The following ZNF274 variants were observed in gnomAD, a reference collection of about 807,000 sequenced individuals.
ZNF274 encodes the protein neurotrophin receptor-interacting factor homolog.
In ZNF274, 23 loss-of-function variants were observed where a neutral mutation model predicts 42.5. The observed-to-expected ratio is 0.54, with a 90% CI of 0.39 to 0.77. The LOEUF (loss-of-function observed/expected upper bound fraction) is 0.77. Ranked by LOEUF, ZNF274 falls within the 30% of genes least tolerant of loss-of-function variation. The pLI, the probability that ZNF274 is intolerant of heterozygous loss-of-function variation, is 0.00. For missense variants in ZNF274, 679 were observed against 806.5 expected (o/e 0.84, Z 1.91); for synonymous variants, 292 against 305.4 (o/e 0.96, Z 0.46).
Position 58,212,105 on chromosome 19 carries a change from G to T in ZNF274, c.980-56G>T. The T allele has an allele frequency of 6.5e-7, 1 of 1,532,434 alleles. No individual in the cohort carries two copies. The highest frequency in any genetic ancestry group is 1.3e-5 in the South Asian group (1 of 79,332). 94.9% of individuals were successfully genotyped at this position (1,532,434 alleles called of 1,614,324 possible). ...CTTAATTATGCATTTCATGCTCTCA[G>T]ACCCATCCCAGCACATCTCTCTATG... On this transcript the variant is annotated intron_variant, in intron 7 of 7. Transcript: ENST00000617501. This position sits in a 1 kb window ranked among gnomAD's most constrained non-coding sequence, Gnocchi z 4.6.
rs750555731 is a variant in ZNF274 at position 58,213,135 on chromosome 19, A to G, written c.1954A>G (p.Thr652Ala). ...NRTKRKKKQPTS is the reference protein window; with the variant it reads ...NRTKRKKKQPAS The stretch of plus-strand genomic sequence containing the variant: ...GACAAAGCGAAAGAAGAAACAGCCT[A>G]CCTCATAGCTCTCAAGCCAGTTGAA... Residue 652 changes from threonine to alanine, a missense_variant, in exon 8 of 8, where the codon ACC becomes GCC. Physicochemically the swap from Thr to Ala is moderately conservative, Grantham distance 58. This residue lies in a region of ZNF274 where 456 missense variants were observed against 590.1 expected (regional missense o/e 0.77). Transcript: ENST00000617501. 7 of 1,607,286 alleles carry G rather than the reference A, an allele frequency of 4.4e-6. No individual in the cohort carries two copies. Among genetic ancestry groups the G allele is most frequent in the Non-Finnish European group, 5.1e-6 (6 of 1,175,828 alleles).
chr19:58,190,870 G>C (rs1252906540), intron 4 of ZNF274, among the ~76,000 whole-genome samples: 1 of 152,114 alleles, frequency 6.6e-6, no homozygotes, highest in East Asian at 1.9e-4. Context: ...CCCCATCCTT[G>C]GTGATGACCT....
At position 58,184,009 on chromosome 19, in the gene ZNF274, G is replaced by A. The variant is rs1476335496; in HGVS notation, c.33+11G>A. The A allele has an allele frequency of 1.3e-6, 2 of 1,587,656 alleles. No individual in the cohort carries two copies. The highest frequency in any genetic ancestry group is 1.7e-6 in the Non-Finnish European group (2 of 1,166,848). On this transcript the variant is annotated intron_variant, in intron 2 of 7. Transcript: ENST00000617501. ...ACGGCCTGGTCCTGTGTGAGTAGAG[G>A]CTTCCTTCAGCTTTTGAGTCCGCTA...
chr19:58,204,574 C>T (rs895767708), intron 4 of ZNF274, among the ~76,000 whole-genome samples: 1 of 152,050 alleles, frequency 6.6e-6, no homozygotes, highest in African/African-American at 2.4e-5. Context: ...AAGATGCTTC[C>T]GCCCGAGCTT....
At chr19:58,186,866 G>T in intron 3 of ZNF274, 81 bp from the exon 4 acceptor site, 1 of 1,211,516 alleles carries the variant, frequency 8.3e-7, no homozygotes, top group Non-Finnish European at 1.2e-6. Context: ...GGAGAAGCTG[G>T]AGACGGCTTG....
intron 4 of ZNF274, among the ~76,000 whole-genome samples, chr19:58,188,465 AC>A (rs1356953341): frequency 6.6e-6 from 1 of 151,322 alleles, no homozygotes; most frequent in Non-Finnish European, 1.5e-5. Flanking sequence ...TACTAAAAAT[AC>A]AAAAATTAGC....
rs554614790 is a variant in ZNF274 at position 58,207,046 on chromosome 19, C to T, written c.583C>T (p.Arg195Cys). The change falls in exon 5 of 8, where the codon CGC (arginine) becomes TGC (cysteine). Residue 195 changes from arginine to cysteine, a missense_variant. Physicochemically the swap from Arg to Cys is radical, Grantham distance 180 (BLOSUM62 -3). Around this residue, in one of 2 missense-constraint regions of ZNF274, gnomAD observed 456 missense variants for 590.1 expected, o/e 0.77. Transcript: ENST00000617501. The surrounding 1 kb of genome is among the most constrained non-coding windows in gnomAD (Gnocchi z 5.6). ...LCHQWLQPKA[R>C]SKEQILELLV... Reference sequence around the variant, plus strand: ...TCACCAGTGGCTACAGCCTAAGGCACGCTCCAAGGAGCAGATCCTGGAGCT... The same window carrying T: ...TCACCAGTGGCTACAGCCTAAGGCATGCTCCAAGGAGCAGATCCTGGAGCT... The T allele has an allele frequency of 6.9e-5, 111 of 1,613,020 alleles. No individual in the cohort carries two copies. In the East Asian group the frequency reaches 1.3e-3, roughly 18 times the overall value.
chr19:58,213,108 A>T lies in ZNF274; in HGVS notation c.1927A>T (p.Arg643Trp). The T allele has an allele frequency of 6.2e-7, 1 of 1,612,142 alleles. No homozygotes were observed. Among genetic ancestry groups the T allele is most frequent in the Non-Finnish European group, 8.5e-7 (1 of 1,178,870 alleles). ...HLIGHQRTHN[R>W]TKRKKKQPTS ...TATTGGGCACCAGAGAACCCACAAT[A>T]GGACAAAGCGAAAGAAGAAACAGCC... Residue 643 changes from arginine to tryptophan, a missense_variant, in exon 8 of 8, where the codon AGG becomes TGG. This residue lies in a region of ZNF274 where 456 missense variants were observed against 590.1 expected (regional missense o/e 0.77). Transcript: ENST00000617501.
At position 58,212,367 on chromosome 19, in the gene ZNF274, CAGA is replaced by C; in HGVS notation, c.1192_1194del (p.Lys398del). 6.2e-7 allele frequency: 1 copy of C among 1,613,994 alleles called. No individual in the cohort carries two copies. The highest frequency in any genetic ancestry group is 8.5e-7 in the Non-Finnish European group (1 of 1,179,890). On this transcript the variant is annotated inframe_deletion, in exon 8 of 8. Coordinates refer to ENST00000617501, the MANE Select transcript of ZNF274 (RefSeq NM_133502.3). This position sits in a 1 kb window ranked among gnomAD's most constrained non-coding sequence, Gnocchi z 4.6. ...GTCTGCTCAGGAAAAAGACCTTCCT[CAGA>C]AGAAGCACTTTGACAACCGTGAGTC... is the stretch of plus-strand genomic sequence containing the variant.
At chr19:58,196,150 T>C (rs948029553) in intron 4 of ZNF274, among the ~76,000 whole-genome samples, 1 of 152,208 alleles carries the variant, frequency 6.6e-6, no homozygotes, top group Non-Finnish European at 1.5e-5. Context: ...GGTGGAATAC[T>C]TGAGATGTAA....
chr19:58,190,312 C>T (rs754431906), intron 4 of ZNF274, among the ~76,000 whole-genome samples: 1 of 151,876 alleles, frequency 6.6e-6, no homozygotes, highest in Non-Finnish European at 1.5e-5. Context: ...TATGCCCGGC[C>T]AATTTTTTAA....
At chr19:58,186,397 C>G (rs2075699093) in intron 3 of ZNF274, among the ~76,000 whole-genome samples, 1 of 151,496 alleles carries the variant, frequency 6.6e-6, no homozygotes, top group Non-Finnish European at 1.5e-5. Flanking sequence ...ACTAAAAATA[C>G]AAAAATTAGC....
rs1247402412 is a variant in ZNF274 at position 58,185,796 on chromosome 19, A to G, written c.118A>G (p.Arg40Gly). The G allele has an allele frequency of 7.0e-7, 1 of 1,433,964 alleles. No homozygotes were observed. Among genetic ancestry groups the G allele is most frequent in the Middle Eastern group, 1.9e-4 (1 of 5,356 alleles). 88.8% of individuals were successfully genotyped at this position (1,433,964 alleles called of 1,614,324 possible). Residue 40 changes from arginine (R) to glycine (G), a missense_variant, in exon 3 of 8, where the codon AGG (arginine) becomes GGG (glycine). Physicochemically the swap from Arg to Gly is moderately radical, Grantham distance 125. Around this residue, in one of 2 missense-constraint regions of ZNF274, gnomAD observed 223 missense variants for 216.4 expected, o/e 1.03. Transcript: ENST00000617501. ...LLDLKQKSLY[R>G]EVMLENYRNL... ...GGACCTCAAACAGAAGTCCCTGTAC[A>G]GGGAAGTGATGCTGGAGAACTACAG...
In ZNF274 at chr19:58,193,563, C is replaced by T. The variant is rs577083996; in HGVS notation, c.256+6521C>T. ...TGCCTCCTGGGTTCAAGTGATTCTC[C>T]TACCTCAGCCTCCTGAGAAGCTGGG... On this transcript the variant is annotated intron_variant, in intron 4 of 7. Transcript: ENST00000617501. Among the ~76,000 whole-genome samples the T allele has an allele frequency of 1.1e-4, 16 of 146,116 alleles. No individual in the cohort carries two copies. The South Asian group carries it at 3.3e-3, about 30-fold the overall frequency.
At chr19:58,183,537 C>A (rs2146180728) in intron 1 of ZNF274, 95 bp downstream of exon 1, 1 of 165,056 alleles carries the variant, frequency 6.1e-6, no homozygotes, top group East Asian at 1.8e-4. Flanking sequence ...CATTTTCCGC[C>A]GAGCTCGGGT....
chr19:58,213,167 T>C lies in ZNF274; in HGVS notation c.*24T>C. 4.4e-6 allele frequency: 7 copies of C among 1,582,810 alleles called. No homozygotes were observed. The highest frequency in any genetic ancestry group is 6.0e-6 in the Non-Finnish European group (7 of 1,164,358). Reference sequence around the variant, plus strand: ...AGCTCTCAAGCCAGTTGAAGAAACCTTGCCTTTTCAGCTTGACCCTGCAAT... The same window carrying C: ...AGCTCTCAAGCCAGTTGAAGAAACCCTGCCTTTTCAGCTTGACCCTGCAAT... On this transcript the variant is annotated 3_prime_UTR_variant, in exon 8 of 8. Coordinates refer to ENST00000617501, the MANE Select transcript of ZNF274 (RefSeq NM_133502.3).
intron 4 of ZNF274, among the ~76,000 whole-genome samples, chr19:58,193,997 TCA>T (rs2075809161): frequency 6.6e-6 from 1 of 152,100 alleles, no homozygotes. Flanking sequence ...ATGTGGTGGC[TCA>T]CACCTGTAAT....
chr19:58,201,666 G>A (rs1040308053), intron 4 of ZNF274, among the ~76,000 whole-genome samples: 6 of 151,900 alleles, frequency 3.9e-5, no homozygotes, highest in East Asian at 3.9e-4. Flanking sequence ...ACAGGTGCCC[G>A]CCACCTCGCC....
chr19:58,209,766 T>G (rs1319527706), intron 5 of ZNF274, 195 bp from the exon 6 acceptor site: 2 of 519,578 alleles, frequency 3.8e-6, no homozygotes, highest in African/African-American at 3.9e-5. Context: ...CCCGGGCCCA[T>G]CCAGGTGTGG....
Sources: gnomAD v4.1 joint callset for allele counts (sites outside exome capture counted in the v4.1 genomes callset) on GRCh38, gnomAD v4.1.1 for gene constraint, gnomAD v4.1.1 regional missense constraint, Gnocchi (gnomAD v3.1) non-coding constraint, MANE v1.5 for transcripts, NCBI Gene and HGNC (gene_info 2026-07-23, HGNC 2026-07-21) for gene names.